CPNE3: variants seen among roughly 807,000 people sequenced by gnomAD.
CPNE3 encodes the protein copine 3.
CPNE3 carries 68 observed loss-of-function variants against 63.9 expected under a neutral mutation model. The observed-to-expected ratio is 1.06, with a 90% CI of 0.87 to 1.30. The LOEUF (loss-of-function observed/expected upper bound fraction) is 1.30, where lower values mean the gene tolerates loss of function less well. Ranked by LOEUF, CPNE3 falls within the 50% of genes most tolerant of loss-of-function variation. The pLI, the probability that CPNE3 is intolerant of heterozygous loss-of-function variation, is 0.00. For synonymous variants in CPNE3, 219 were observed against 197.5 expected (o/e 1.11, Z -0.91); for missense variants, 665 against 578.1 (o/e 1.15, Z -1.54).
At chr8:86,546,036 T>TG (rs1224501664) in intron 9 of CPNE3, among the ~76,000 whole-genome samples, 5 of 152,106 alleles carry the variant, frequency 3.3e-5, no homozygotes, top group Non-Finnish European at 5.9e-5. Flanking sequence ...ATCATTCTTT[T>TG]GGGGGAAGGA....
At chr8:86,555,302 T>C (rs1463990058) in intron 15 of CPNE3, among the ~76,000 whole-genome samples, 2 of 152,202 alleles carry the variant, frequency 1.3e-5, no homozygotes, top group Non-Finnish European at 2.9e-5. Flanking sequence ...TAAGGAAAGT[T>C]ACCACATCAG....
intron 2 of CPNE3, among the ~76,000 whole-genome samples, chr8:86,522,548 C>CTTTTTTTTTTTTTTTT (rs36073581): frequency 1.2e-5 from 1 of 82,234 alleles, no homozygotes; most frequent in Non-Finnish European, 2.1e-5. Flanking sequence ...ACGCCCGCTG[C>CTTTTTTTTTTTTTTTT]TTTTTTTTTT....
intron 10 of CPNE3, 92 bp downstream of exon 10, chr8:86,546,773 G>A (rs1319305680): frequency 5.8e-6 from 8 of 1,368,962 alleles, no homozygotes; most frequent in Non-Finnish European, 6.9e-6. Flanking sequence ...GCGCAGTGGT[G>A]TGATCTCGGC....
chr8:86,539,660 G>GTT (rs369540210), intron 7 of CPNE3, among the ~76,000 whole-genome samples: 44,210 of 107,934 alleles, frequency 0.41, 10,871 homozygotes, highest in African/African-American at 0.47. Flanking sequence ...ATCCTCCGCA[G>GTT]TTTTTTTTTT....
At chr8:86,522,758 A>T (rs1274437836) in intron 2 of CPNE3, among the ~76,000 whole-genome samples, 1 of 152,050 alleles carries the variant, frequency 6.6e-6, no homozygotes, top group Non-Finnish European at 1.5e-5. Context: ...TATTAGAACC[A>T]GAAAGAACTT....
At chr8:86,555,816 T>G (rs942940979) in intron 15 of CPNE3, among the ~76,000 whole-genome samples, 15 of 152,234 alleles carry the variant, frequency 9.9e-5, no homozygotes, top group African/African-American at 3.1e-4. Flanking sequence ...GTTAAAACTG[T>G]TTATTCCTAG....
chr8:86,556,789 C>T (rs1262129231), intron 16 of CPNE3, among the ~76,000 whole-genome samples: 1 of 152,118 alleles, frequency 6.6e-6, no homozygotes, highest in Non-Finnish European at 1.5e-5. Context: ...CCCTGGTTGC[C>T]CTTTTATAAC....
In CPNE3 at chr8:86,559,387, T is replaced by A. The variant is rs551885455; in HGVS notation, c.*977T>A. 3.3e-5 allele frequency: 5 copies of A among 152,254 alleles called. No individual in the cohort carries two copies. Among genetic ancestry groups the A allele is most frequent in the South Asian group, 4.1e-4 (2 of 4,824 alleles). The allele number at this position is 152,254 out of a possible 1,614,324, so 9.4% of individuals were successfully genotyped here. A position where few individuals can be genotyped will look rare whatever the true frequency, so the allele number is the denominator to read the frequency against. On this transcript the variant is annotated 3_prime_UTR_variant, in exon 17 of 17. Coordinates refer to ENST00000517490, the MANE Select transcript of CPNE3 (RefSeq NM_003909.5). ...AAATTTTATACTTTCCTTGCTAAGG[T>A]CCCATATATTGATTTGTACAGATCC...
intron 2 of CPNE3, among the ~76,000 whole-genome samples, chr8:86,526,818 G>A (rs1820551487): frequency 6.6e-6 from 1 of 152,126 alleles, no homozygotes; most frequent in African/African-American, 2.4e-5. Flanking sequence ...GGCCAGCTTT[G>A]TTTTTAAACG....
At chr8:86,539,659 A>AGT (rs1554601345) in intron 7 of CPNE3, among the ~76,000 whole-genome samples, 1 of 97,210 alleles carries the variant, frequency 1.0e-5, no homozygotes, top group Non-Finnish European at 2.1e-5. Context: ...AATCCTCCGC[A>AGT]GTTTTTTTTT....
intron 2 of CPNE3, 114 bp from the exon 3 acceptor site, chr8:86,528,422 T>C (rs1820587425): frequency 8.7e-7 from 1 of 1,149,440 alleles, no homozygotes; most frequent in Non-Finnish European, 1.2e-6. Context: ...GCAAGTTCAC[T>C]CTATAAGCCT....
intron 1 of CPNE3, chr8:86,515,161 A>G (rs1820256627): frequency 6.6e-6 from 1 of 152,102 alleles, no homozygotes; most frequent in Non-Finnish European, 1.5e-5. Flanking sequence ...TCTTCTGTCT[A>G]GTGTTTTGGG....
chr8:86,560,693 T>C lies in CPNE3; in HGVS notation c.*2283T>C, dbSNP rs1422638951. ...CCAGCAAACTAGGGTAATTGGTGCC[T>C]TTTTACAGTTTTGAATAAAAGCATT... On this transcript the variant is annotated 3_prime_UTR_variant, in exon 17 of 17. Coordinates refer to ENST00000517490, the MANE Select transcript of CPNE3 (RefSeq NM_003909.5). 1 of 152,236 alleles carries C rather than the reference T, an allele frequency of 6.6e-6. No homozygotes were observed. Among genetic ancestry groups the C allele is most frequent in the African/African-American group, 2.4e-5 (1 of 41,474 alleles). The allele number at this position is 152,236 out of a possible 1,614,324, so 9.4% of individuals were successfully genotyped here.
intron 11 of CPNE3, 108 bp downstream of exon 11, chr8:86,547,878 G>T (rs895562705): frequency 4.2e-5 from 28 of 669,576 alleles, no homozygotes; most frequent in Admixed American, 7.7e-5. Flanking sequence ...AATCTGTTTA[G>T]CATAGTCCTC....
At chr8:86,547,679 A>G (rs755102087) in intron 10 of CPNE3, 32 bp from the exon 11 acceptor site, 2 of 890,564 alleles carry the variant, frequency 2.2e-6, no homozygotes, top group Non-Finnish European at 3.7e-6. Flanking sequence ...ATAGTAGGAG[A>G]GTTGTAATTT....
chr8:86,531,164 A>G lies in CPNE3; in HGVS notation c.322A>G (p.Ser108Gly). 1 of 1,218,904 alleles carries G rather than the reference A, an allele frequency of 8.2e-7. No homozygotes were observed. Among genetic ancestry groups the G allele is most frequent in the Non-Finnish European group, 1.2e-6 (1 of 818,658 alleles). 75.5% of individuals were successfully genotyped at this position (1,218,904 alleles called of 1,614,324 possible). The change falls in exon 5 of 17, where the codon AGC becomes GGC. Residue 108 changes from serine to glycine, a missense_variant. Transcript: ENST00000517490. ...TTTCTAATTCTAACAGATTGTTTCC[A>G]GCAAGAAGCTAACTCGACCACTGGT... ...CECTLGQIVS[S>G]KKLTRPLVMK...
rs764205551 is a variant in CPNE3 at position 86,554,918 on chromosome 8, T to G, written c.1188T>G (p.Asn396Lys). The change falls in exon 15 of 17, where the codon AAT becomes AAG. Residue 396 changes from asparagine to lysine, a missense_variant. Transcript: ENST00000517490. The stretch of plus-strand genomic sequence containing the variant: ...AGATAAAACTCTATGGACCAACTAA[T>G]TTTTCTCCAATCATAAATCACGTGG... Reference protein sequence around the residue: ...LPQIKLYGPTNFSPIINHVAR... With the variant: ...LPQIKLYGPTKFSPIINHVAR... 8.1e-6 allele frequency: 13 copies of G among 1,614,028 alleles called. No individual in the cohort carries two copies. Among genetic ancestry groups the G allele is most frequent in the Non-Finnish European group, 9.3e-6 (11 of 1,180,030 alleles).
chr8:86,541,127 G>A (rs752956584), intron 8 of CPNE3, among the ~76,000 whole-genome samples: 2 of 152,128 alleles, frequency 1.3e-5, no homozygotes, highest in Non-Finnish European at 2.9e-5. Flanking sequence ...AATAAATATG[G>A]TAAAAGCAGG....
chr8:86,522,135 G>A (rs1299616207), intron 2 of CPNE3, among the ~76,000 whole-genome samples: 1 of 152,130 alleles, frequency 6.6e-6, no homozygotes, highest in African/African-American at 2.4e-5. Context: ...TTTTGTAGTG[G>A]AGTATAGTTT....
Sources: allele counts gnomAD v4.1 joint callset (sites outside exome capture counted in the v4.1 genomes callset), GRCh38; gene constraint gnomAD v4.1.1; transcripts MANE v1.5; gene names NCBI Gene and HGNC (gene_info 2026-07-23, HGNC 2026-07-21).